The following SESN1 variants were observed in gnomAD, a reference collection of about 807,000 sequenced individuals.
SESN1 encodes the protein sestrin-1.
Under a neutral mutation model 59.3 loss-of-function variants are expected in SESN1, and 30 were observed. The ratio of observed to expected loss-of-function variants is 0.51; its 90% CI spans 0.38 to 0.69. The LOEUF is 0.69. Ranked by LOEUF, SESN1 falls within the 30% of genes least tolerant of loss-of-function variation. The probability of loss-of-function intolerance (pLI) is 0.00; values close to 1 mark genes in which losing one functional copy is unlikely to be tolerated. For synonymous variants in SESN1, 197 were observed against 219.9 expected (o/e 0.90, Z 0.92); for missense variants, 566 against 673.0 (o/e 0.84, Z 1.76).
intron 1 of SESN1, among the ~76,000 whole-genome samples, chr6:109,035,430 G>T (rs1291054202): frequency 6.6e-6 from 1 of 152,012 alleles, no homozygotes; most frequent in Non-Finnish European, 1.5e-5. Context: ...GAGTATAAAA[G>T]GTCGGGAGAA....
At chr6:109,014,917 A>G (rs1390337075) in intron 1 of SESN1, among the ~76,000 whole-genome samples, 1 of 152,114 alleles carries the variant, frequency 6.6e-6, no homozygotes, top group Non-Finnish European at 1.5e-5. Flanking sequence ...CCTCCTATTT[A>G]TTTATTTAGT....
At chr6:109,064,166 A>C (rs1562472072) in intron 1 of SESN1, among the ~76,000 whole-genome samples, 2 of 152,200 alleles carry the variant, frequency 1.3e-5, no homozygotes, top group East Asian at 3.9e-4. Context: ...ATATCTGTCA[A>C]CTTCTAGAAT....
intron 1 of SESN1, among the ~76,000 whole-genome samples, chr6:109,031,961 A>G (rs988530506): frequency 6.6e-6 from 1 of 152,190 alleles, no homozygotes; most frequent in African/African-American, 2.4e-5. Context: ...CCTTATACAC[A>G]TATCTTGAAG....
At chr6:109,075,867 C>T (rs913968019) in intron 1 of SESN1, among the ~76,000 whole-genome samples, 55 of 152,278 alleles carry the variant, frequency 3.6e-4, no homozygotes, top group Non-Finnish European at 5.0e-4. Flanking sequence ...ACCCCCTCCC[C>T]GACCCCAGAG....
In SESN1 at chr6:109,000,518, A is replaced by C. The variant is rs1245320107; in HGVS notation, c.702T>G (p.Pro234=). Residue 234 remains proline (P), a synonymous_variant, in exon 4 of 10, where the codon CCT becomes CCG. Coordinates refer to ENST00000436639, the MANE Select transcript of SESN1 (RefSeq NM_014454.3). The stretch of plus-strand genomic sequence containing the variant: ...CAATGTGTTCTTTGGTAATAAGCCA[A>C]GGTCTATGGGCTAACACTTTGTTAA... ...GELNKVLAHR[P]WLITKEHIEG... is the part of the protein sequence containing the mutation. 6.3e-7 allele frequency: 1 copy of C among 1,599,918 alleles called. No homozygotes were observed. Among genetic ancestry groups the C allele is most frequent in the African/African-American group, 1.3e-5 (1 of 74,494 alleles).
In SESN1 at chr6:109,094,203, G is replaced by A; in HGVS notation, c.-130C>T. 1.9e-6 allele frequency: 2 copies of A among 1,054,024 alleles called. No homozygotes were observed. 65.3% of individuals were successfully genotyped at this position (1,054,024 alleles called of 1,614,324 possible). A position where few individuals can be genotyped will look rare whatever the true frequency, so the allele number is the denominator to read the frequency against. On this transcript the variant is annotated 5_prime_UTR_variant, in exon 1 of 10. Transcript: ENST00000436639. ...CAAATCGTCATGAAAACACACATCT[G>A]GGTGACATTTGGAACCACTGGTGCC...
At position 109,001,412 on chromosome 6, in the gene SESN1, T is replaced by C. The variant is rs1779621350; in HGVS notation, c.422A>G (p.Asp141Gly). The change falls in exon 3 of 10, where the codon GAT (aspartate) becomes GGT (glycine). Residue 141 changes from aspartate (D) to glycine (G), a missense_variant. Asp to Gly is a moderately conservative substitution (Grantham distance 94). Transcript: ENST00000436639. ...ADSFAALGRL[D>G]NITLVMVFHP... ...GAAAACCATCACTAACGTAATGTTA[T>C]CCAAACGGCCCAAAGCAGCAAAAGA... The C allele has an allele frequency of 6.2e-7, 1 of 1,613,764 alleles. No homozygotes were observed. Among genetic ancestry groups the C allele is most frequent in the African/African-American group, 1.3e-5 (1 of 74,918 alleles).
chr6:108,992,888 C>T lies in SESN1; in HGVS notation c.1132G>A (p.Val378Ile). ...MFVFSSDDEEVTPARAVSRHF... is the reference protein window; with the variant it reads ...MFVFSSDDEEITPARAVSRHF... ...CGAGATACAGCTCTTGCTGGTGTAA[C>T]TTCTTCATCATCTGGGAAAAAAGGC... is the stretch of plus-strand genomic sequence containing the variant. Residue 378 changes from valine (V) to isoleucine (I), a missense_variant, in exon 7 of 10, where the codon GTT becomes ATT. Transcript: ENST00000436639. 6.2e-7 allele frequency: 1 copy of T among 1,603,600 alleles called. No homozygotes were observed. The highest frequency in any genetic ancestry group is 8.5e-7 in the Non-Finnish European group (1 of 1,176,038).
intron 6 of SESN1, among the ~76,000 whole-genome samples, chr6:108,993,343 C>T (rs920505760): frequency 2.0e-5 from 3 of 152,248 alleles, no homozygotes; most frequent in Non-Finnish European, 4.4e-5. Context: ...CATGGGTTAA[C>T]ATTTTTACAG....
At chr6:109,027,966 T>C (rs1463879839) in intron 1 of SESN1, among the ~76,000 whole-genome samples, 2 of 152,228 alleles carry the variant, frequency 1.3e-5, no homozygotes, top group African/African-American at 4.8e-5. Context: ...TGAATACAAG[T>C]ACTTTGATAT....
At chr6:109,069,745 G>C (rs1054951464) in intron 1 of SESN1, among the ~76,000 whole-genome samples, 9 of 148,410 alleles carry the variant, frequency 6.1e-5, no homozygotes, top group South Asian at 4.2e-4. Flanking sequence ...ATGGTGGGAG[G>C]GGGGGTCTCA....
In SESN1 at chr6:108,984,935, T is replaced by C. The variant is rs1324727165; in HGVS notation, c.*2609A>G. 1.3e-5 allele frequency among the ~76,000 whole-genome samples: 2 copies of C among 152,158 alleles called. No individual in the cohort carries two copies. Among genetic ancestry groups the C allele is most frequent in the African/African-American group, 4.8e-5 (2 of 41,438 alleles). ...GGTTTCTAGAGTTCTCACAAAGATA[T>C]TCTGGCCCATATATTGTTAACTCAG... On this transcript the variant is annotated 3_prime_UTR_variant, in exon 10 of 10. Coordinates refer to ENST00000436639, the MANE Select transcript of SESN1 (RefSeq NM_014454.3).
At chr6:109,047,455 C>T (rs1486171748) in intron 1 of SESN1, among the ~76,000 whole-genome samples, 3 of 132,966 alleles carry the variant, frequency 2.3e-5, no homozygotes, top group East Asian at 4.5e-4. Context: ...CCAGCCGCCC[C>T]ATCCGGGAGG....
chr6:109,067,680 A>G (rs1780858518), intron 1 of SESN1, among the ~76,000 whole-genome samples: 1 of 152,142 alleles, frequency 6.6e-6, no homozygotes, highest in African/African-American at 2.4e-5. Context: ...CACAAGAGCA[A>G]TTTATTTTTG....
chr6:109,078,399 A>G (rs1197515266), intron 1 of SESN1, among the ~76,000 whole-genome samples: 1 of 152,062 alleles, frequency 6.6e-6, no homozygotes, highest in African/African-American at 2.4e-5. Context: ...AATAAAATAT[A>G]AATATAAATA....
Position 109,069,182 on chromosome 6 carries a change from T to G in SESN1, c.279+24613A>C, listed in dbSNP as rs192304195. Among the ~76,000 whole-genome samples, 3 of 152,050 alleles carry G rather than the reference T, an allele frequency of 2.0e-5. No individual in the cohort carries two copies. The East Asian group carries it at 5.8e-4, about 29-fold the overall frequency. On this transcript the variant is annotated intron_variant, in intron 1 of 9. Coordinates refer to ENST00000436639, the MANE Select transcript of SESN1 (RefSeq NM_014454.3). ...AACAGAGAAGGCCATCGTGGCAAAATGTTAACAATACGTGACTCTAGGTGA... is the reference window on the plus strand; with the variant it reads ...AACAGAGAAGGCCATCGTGGCAAAAGGTTAACAATACGTGACTCTAGGTGA...
rs1056297863 is a variant in SESN1 at position 108,986,511 on chromosome 6, C to T, written c.*1033G>A. The stretch of plus-strand genomic sequence containing the variant: ...CAGACTTCAAAAGCAATTCACGCTT[C>T]CAGAATACAAAGTACTTAATACATA... On this transcript the variant is annotated 3_prime_UTR_variant, in exon 10 of 10. Transcript: ENST00000436639. 6.6e-6 allele frequency: 1 copy of T among 152,636 alleles called. No homozygotes were observed. Among genetic ancestry groups the T allele is most frequent in the Non-Finnish European group, 1.5e-5 (1 of 68,030 alleles). 9.5% of individuals were successfully genotyped at this position (152,636 alleles called of 1,614,324 possible).
intron 1 of SESN1, among the ~76,000 whole-genome samples, chr6:109,009,931 C>A (rs893253044): frequency 6.6e-6 from 1 of 152,036 alleles, no homozygotes; most frequent in Admixed American, 6.5e-5. Context: ...CTGACAGCAC[C>A]AGGAGTAATG....
At chr6:109,028,152 TC>T (rs35853071) in intron 1 of SESN1, among the ~76,000 whole-genome samples, 16,524 of 152,138 alleles carry the variant, frequency 0.11, 1,021 homozygotes, top group Middle Eastern at 0.19. Context: ...AAACTTTTTT[TC>T]CCCATCTGTT....
Sources: gnomAD v4.1 joint callset for allele counts (sites outside exome capture counted in the v4.1 genomes callset) on GRCh38, gnomAD v4.1.1 for gene constraint, MANE v1.5 for transcripts, NCBI Gene and HGNC (gene_info 2026-07-23, HGNC 2026-07-21) for gene names.